The following TMEM117 variants were observed in gnomAD, a reference collection of about 807,000 sequenced individuals.
The protein encoded by TMEM117 is transmembrane protein 117.
In TMEM117, 27 loss-of-function variants were observed where a neutral mutation model predicts 52.4. The ratio of observed to expected loss-of-function variants is 0.51; its 90% CI spans 0.38 to 0.71. TMEM117 has a LOEUF of 0.71. Ranked by LOEUF, TMEM117 falls within the 30% of genes least tolerant of loss-of-function variation. TMEM117 has a pLI of 0.00. For synonymous variants in TMEM117, 215 were observed against 206.3 expected, an observed-to-expected ratio of 1.04 and a Z score of -0.36; for missense variants, 556 against 630.5, an observed-to-expected ratio of 0.88 and a Z score of 1.26.
chr12:43,958,371 C>A (rs550305114), intron 3 of TMEM117, among the ~76,000 whole-genome samples: 43 of 152,090 alleles, frequency 2.8e-4, no homozygotes, highest in African/African-American at 8.7e-4. Flanking sequence ...TAGTGTTAAT[C>A]AAAAGGAAAA....
the TMEM117 span, among the ~76,000 whole-genome samples, chr12:44,397,095 T>G: frequency 6.6e-6 from 1 of 152,070 alleles, no homozygotes; most frequent in East Asian, 1.9e-4. Flanking sequence ...TGAACAAAAC[T>G]ATCAAGTAAG....
At chr12:44,307,255 A>G (rs962861132) in intron 6 of TMEM117, among the ~76,000 whole-genome samples, 1 of 152,230 alleles carries the variant, frequency 6.6e-6, no homozygotes, top group Admixed American at 6.5e-5. Context: ...TGTTTTAACA[A>G]GTTGGAATAT....
chr12:44,045,400 A>G lies in TMEM117; in HGVS notation c.411-98125A>G, dbSNP rs1592469501. ...CATCATGGAAAGGTTTGTCCTCGCT[A>G]GAATAGACATTTACTCCGGATATGG... is the stretch of plus-strand genomic sequence containing the variant. On this transcript the variant is annotated intron_variant, in intron 3 of 7. Transcript: ENST00000266534. 2.0e-5 allele frequency among the ~76,000 whole-genome samples: 3 copies of G among 152,348 alleles called. No individual in the cohort carries two copies. In the East Asian group the frequency reaches 5.8e-4, roughly 29 times the overall value.
intron 2 of TMEM117, among the ~76,000 whole-genome samples, chr12:43,878,082 G>C (rs1157943555): frequency 6.6e-6 from 1 of 151,980 alleles, no homozygotes; most frequent in Non-Finnish European, 1.5e-5. Context: ...TTTTGCTTTT[G>C]TAAGAAAAAG....
At chr12:44,383,997 A>G (rs1475519828) in intron 7 of TMEM117, among the ~76,000 whole-genome samples, 6 of 152,200 alleles carry the variant, frequency 3.9e-5, no homozygotes, top group African/African-American at 7.2e-5. Flanking sequence ...AGGGCTGGGA[A>G]GAAATCTTAA....
intron 5 of TMEM117, among the ~76,000 whole-genome samples, chr12:44,226,523 G>GTA (rs1949863433): frequency 6.6e-6 from 1 of 151,842 alleles, no homozygotes; most frequent in African/African-American, 2.4e-5. Context: ...GTGTGTGTGT[G>GTA]TACACATATA....
intron 4 of TMEM117, among the ~76,000 whole-genome samples, chr12:44,195,363 T>A (rs1193147031): frequency 6.6e-6 from 1 of 152,182 alleles, no homozygotes; most frequent in Non-Finnish European, 1.5e-5. Context: ...TAGCTTCCAA[T>A]ATCGCTGACT....
At chr12:44,138,334 G>C (rs73288095) in intron 3 of TMEM117, among the ~76,000 whole-genome samples, 4,641 of 152,180 alleles carry the variant, frequency 0.03, 160 homozygotes, top group African/African-American at 0.083. Context: ...ATAGATTTGA[G>C]AGCCTTTCAG....
chr12:43,810,964 A>C, the TMEM117 span, among the ~76,000 whole-genome samples: 1 of 152,266 alleles, frequency 6.6e-6, no homozygotes, highest in African/African-American at 2.4e-5. Flanking sequence ...AATGGATCCC[A>C]GAAAAAGAAC....
At chr12:44,376,803 C>A in intron 7 of TMEM117, 79 bp downstream of exon 7, 1 of 1,443,978 alleles carries the variant, frequency 6.9e-7, no homozygotes, top group Non-Finnish European at 9.3e-7. Context: ...AAAAGCAAGC[C>A]ATAATATTTG....
chr12:44,369,735 A>G (rs17094543), intron 6 of TMEM117, among the ~76,000 whole-genome samples: 2,790 of 152,292 alleles, frequency 0.018, 95 homozygotes, highest in African/African-American at 0.063. Context: ...TGAATGAGGT[A>G]TGCCATCTTT....
chr12:43,861,027 T>C (rs983227431), intron 2 of TMEM117, among the ~76,000 whole-genome samples: 10 of 152,096 alleles, frequency 6.6e-5, no homozygotes, highest in Non-Finnish European at 1.5e-4. Flanking sequence ...CAGTGGGACA[T>C]AGAAGTGAAG....
intron 3 of TMEM117, among the ~76,000 whole-genome samples, chr12:43,972,209 T>C (rs1945599118): frequency 6.6e-6 from 1 of 152,190 alleles, no homozygotes; most frequent in South Asian, 2.1e-4. Context: ...TATCATGCAT[T>C]TCATAATAAG....
chr12:44,385,022 T>G (rs1952070299), intron 7 of TMEM117, among the ~76,000 whole-genome samples: 1 of 152,312 alleles, frequency 6.6e-6, no homozygotes, highest in African/African-American at 2.4e-5. Context: ...GGCAGAATTA[T>G]GGAACTGGAA....
At chr12:44,068,477 A>C (rs1947254809) in intron 3 of TMEM117, among the ~76,000 whole-genome samples, 1 of 152,176 alleles carries the variant, frequency 6.6e-6, no homozygotes, top group Non-Finnish European at 1.5e-5. Context: ...ATTAGTTATT[A>C]GTATTATAGT....
rs17094306 is a variant in TMEM117 at position 44,222,117 on chromosome 12, G to C, written c.608+10730G>C. 1.9e-3 allele frequency among the ~76,000 whole-genome samples: 294 copies of C among 152,302 alleles called. 7 individuals are homozygous for C. In the East Asian group the frequency reaches 0.035, roughly 18 times the overall value. On this transcript the variant is annotated intron_variant, in intron 5 of 7. Coordinates refer to ENST00000266534, the MANE Select transcript of TMEM117 (RefSeq NM_032256.3). The stretch of plus-strand genomic sequence containing the variant: ...GTTCATTTAGCCTTACTCATGGACA[G>C]TGATGGTTGAAGTCCAGCTTCCTGT...
At chr12:43,982,495 A>T (rs1945777370) in intron 3 of TMEM117, among the ~76,000 whole-genome samples, 1 of 152,074 alleles carries the variant, frequency 6.6e-6, no homozygotes, top group African/African-American at 2.4e-5. Flanking sequence ...TTTTTTTTTC[A>T]AATTAAATGC....
intron 5 of TMEM117, among the ~76,000 whole-genome samples, chr12:44,278,922 A>G (rs888187071): frequency 3.3e-5 from 5 of 152,168 alleles, no homozygotes; most frequent in Non-Finnish European, 2.9e-5. Context: ...TCTTTCTTCA[A>G]GGCAATGGAT....
the TMEM117 span, chr12:43,806,288 AGCGGCCCCGGCCG>A: frequency 6.9e-7 from 1 of 1,455,556 alleles, no homozygotes; most frequent in South Asian, 1.3e-5. Flanking sequence ...GAGTGCAGCC[AGCGGCCCCGGCCG>A]GCGGCCCCAG....
Sources: gnomAD v4.1 joint callset for allele counts (sites outside exome capture counted in the v4.1 genomes callset) on GRCh38, gnomAD v4.1.1 for gene constraint, MANE v1.5 for transcripts, NCBI Gene and HGNC (gene_info 2026-07-23, HGNC 2026-07-21) for gene names.